Variants in MGAM2 observed in about 807,000 individuals in gnomAD.
MGAM2 encodes probable maltase-glucoamylase 2.
A neutral mutation model predicts 96.1 loss-of-function variants in MGAM2; 98 were observed. That is an observed-to-expected ratio of 1.02 (90% confidence interval 0.87 to 1.21). The LOEUF (loss-of-function observed/expected upper bound fraction) is 1.21. Ranked by LOEUF, MGAM2 falls within the 50% of genes most tolerant of loss-of-function variation. The probability of loss-of-function intolerance (pLI) is 0.00; values close to 1 mark genes in which losing one functional copy is unlikely to be tolerated. For missense variants in MGAM2, 2,055 were observed against 1,182.4 expected, an observed-to-expected ratio of 1.74 and a Z score of -10.82; for synonymous variants, 749 against 414.8, an observed-to-expected ratio of 1.81 and a Z score of -9.79.
intron 46 of MGAM2, among the ~76,000 whole-genome samples, chr7:142,215,791 T>G (rs1391111317): frequency 1.3e-5 from 2 of 151,806 alleles, no homozygotes; most frequent in Non-Finnish European, 1.5e-5. Context: ...CATGAATAAT[T>G]TTATATTGAA....
intron 7 of MGAM2, 46 bp downstream of exon 7, chr7:142,134,198 C>T: frequency 1.5e-6 from 1 of 681,318 alleles, no homozygotes; most frequent in Non-Finnish European, 2.7e-6. Flanking sequence ...AAGGGATACC[C>T]TCCTTCCTTT....
intron 45 of MGAM2, among the ~76,000 whole-genome samples, chr7:142,207,583 G>T (rs956719158): frequency 1.3e-5 from 2 of 151,690 alleles, no homozygotes; most frequent in African/African-American, 4.8e-5. Context: ...CCACCACCAC[G>T]CCCGGCTAAT....
At chr7:142,213,948 A>G (rs2129106413) in intron 46 of MGAM2, among the ~76,000 whole-genome samples, 1 of 152,276 alleles carries the variant, frequency 6.6e-6, no homozygotes, top group Non-Finnish European at 1.5e-5. Context: ...CCAGCAGCAC[A>G]TCAAAAAGCC....
chr7:142,146,700 A>C (rs1795395053), intron 14 of MGAM2, among the ~76,000 whole-genome samples: 1 of 151,930 alleles, frequency 6.6e-6, no homozygotes, highest in Admixed American at 6.6e-5. Context: ...TCAAACTGTC[A>C]AACTACCCAA....
chr7:142,159,148 G>C (rs1265084036), intron 19 of MGAM2, 139 bp from the exon 20 acceptor site: 2 of 601,124 alleles, frequency 3.3e-6, no homozygotes, highest in Middle Eastern at 4.2e-4. Flanking sequence ...TTATGTGTCT[G>C]TGTTTTCCTT....
chr7:142,197,135 G>A (rs1398558938), intron 40 of MGAM2, among the ~76,000 whole-genome samples: 2 of 152,130 alleles, frequency 1.3e-5, no homozygotes, highest in East Asian at 3.9e-4. Context: ...AGATATGTTG[G>A]TGCTGCACGG....
At chr7:142,128,364 C>A (rs937011800) in intron 3 of MGAM2, among the ~76,000 whole-genome samples, 1 of 152,144 alleles carries the variant, frequency 6.6e-6, no homozygotes, top group African/African-American at 2.4e-5. Context: ...AAAAGAAAAA[C>A]CCATTTTCTG....
chr7:142,184,018 G>T (rs1466141732), intron 33 of MGAM2, among the ~76,000 whole-genome samples: 3 of 120,504 alleles, frequency 2.5e-5, no homozygotes, highest in Admixed American at 1.1e-4. Flanking sequence ...TGTTACCCAG[G>T]CTGGAGTGCA....
chr7:142,213,849 A>G (rs1797667842), intron 46 of MGAM2, among the ~76,000 whole-genome samples: 1 of 152,224 alleles, frequency 6.6e-6, no homozygotes, highest in Non-Finnish European at 1.5e-5. Context: ...AACACCTGGC[A>G]GAGACACAAT....
chr7:142,129,825 CAAAAAAAAAAAAAAAAAAAAAAAAAAA>C (rs71166564), intron 3 of MGAM2, among the ~76,000 whole-genome samples: 1 of 33,408 alleles, frequency 3.0e-5, no homozygotes, highest in African/African-American at 1.4e-4. Context: ...AACTCTGTCT[CAAAAAAAAAAAAAAAAAAAAAAAAAAA>C]AAAAAAAAAA....
chr7:142,215,132 T>C (rs1797717540), intron 46 of MGAM2, among the ~76,000 whole-genome samples: 1 of 152,180 alleles, frequency 6.6e-6, no homozygotes, highest in Admixed American at 6.5e-5. Flanking sequence ...TAAAAAAGAA[T>C]GAGTTCATGC....
chr7:142,208,311 T>C lies in MGAM2; in HGVS notation c.5138-262T>C, dbSNP rs572286475. On this transcript the variant is annotated intron_variant, in intron 45 of 47. Coordinates refer to ENST00000477922, the MANE Select transcript of MGAM2 (RefSeq NM_001293626.2). ...ACAGTAGTCTCCACACTTCAGGTAA[T>C]CTATCCTTTGTTCAACCCAGATTCT... 7 of 592,338 alleles carry C rather than the reference T, an allele frequency of 1.2e-5. 1 individual carries two copies. The highest frequency in any genetic ancestry group is 6.1e-5 in the South Asian group (4 of 65,662). 36.7% of individuals were successfully genotyped at this position (592,338 alleles called of 1,614,324 possible).
chr7:142,194,573 G>A (rs1159817862), intron 37 of MGAM2, among the ~76,000 whole-genome samples: 4 of 152,144 alleles, frequency 2.6e-5, no homozygotes, highest in South Asian at 4.1e-4. Flanking sequence ...TCCAATTTGT[G>A]TATGGTTAAA....
intron 37 of MGAM2, among the ~76,000 whole-genome samples, chr7:142,192,701 T>G (rs1796907498): frequency 6.6e-6 from 1 of 152,180 alleles, no homozygotes; most frequent in African/African-American, 2.4e-5. Flanking sequence ...TCCTCTCTCT[T>G]CAGGGAAATT....
rs1268892413 is a variant in MGAM2 at position 142,116,869 on chromosome 7, T to G, written c.1-5T>G. ...GTTTTAACCCAATTATCTGTGTCTA[T>G]CTAGATGGCGAGGAAGCTCAGTGTA... On this transcript the variant is annotated splice_polypyrimidine_tract_variant and splice_region_variant and intron_variant, in intron 1 of 47. Transcript: ENST00000477922. 1 of 703,624 alleles carries G rather than the reference T, an allele frequency of 1.4e-6. No individual in the cohort carries two copies. Among genetic ancestry groups the G allele is most frequent in the Non-Finnish European group, 2.6e-6 (1 of 385,118 alleles). The allele number at this position is 703,624 out of a possible 1,614,324, so 43.6% of individuals were successfully genotyped here.
In MGAM2 at chr7:142,148,985, G is replaced by A. The variant is rs1374010579; in HGVS notation, c.1634+1412G>A. 1.3e-5 allele frequency among the ~76,000 whole-genome samples: 2 copies of A among 152,086 alleles called. No individual in the cohort carries two copies. The highest frequency in any genetic ancestry group is 2.9e-5 in the Non-Finnish European group (2 of 68,016). ...CTTACGTCTGTAATCCAAGCACTTT[G>A]GGAGGCTGAGGTGGGCAGATCACCT... On this transcript the variant is annotated intron_variant, in intron 15 of 47. Transcript: ENST00000477922. This position sits in a 1 kb window ranked among gnomAD's most constrained non-coding sequence, Gnocchi z 4.2.
Position 142,164,912 on chromosome 7 carries a change from G to T in MGAM2, c.2541G>T (p.Met847Ile). 1 of 702,690 alleles carries T rather than the reference G, an allele frequency of 1.4e-6. No individual in the cohort carries two copies. Among genetic ancestry groups the T allele is most frequent in the Admixed American group, 2.0e-5 (1 of 49,990 alleles). 43.5% of individuals were successfully genotyped at this position (702,690 alleles called of 1,614,324 possible). A position where few individuals can be genotyped will look rare whatever the true frequency, so the allele number is the denominator to read the frequency against. ...ATTATATGGACACTGACAACCTCAT[G>T]TTCACAGATATCACAATCTTGGGAA... ...NNNYMDTDNLMFTDITILGMD... is the reference protein window; with the variant it reads ...NNNYMDTDNLIFTDITILGMD... The change falls in exon 24 of 48, where the codon ATG becomes ATT. Residue 847 changes from methionine to isoleucine, a missense_variant. Coordinates refer to ENST00000477922, the MANE Select transcript of MGAM2 (RefSeq NM_001293626.2).
At chr7:142,155,984 A>G (rs1342497174) in intron 17 of MGAM2, among the ~76,000 whole-genome samples, 4 of 152,154 alleles carry the variant, frequency 2.6e-5, no homozygotes, top group African/African-American at 4.8e-5. Flanking sequence ...TATCTCTACT[A>G]AAAATACAAA....
At chr7:142,145,502 G>C (rs1046053515) in intron 14 of MGAM2, among the ~76,000 whole-genome samples, 3 of 151,984 alleles carry the variant, frequency 2.0e-5, no homozygotes, top group African/African-American at 7.3e-5. Flanking sequence ...TCTAGTCAAG[G>C]TCAATTTTCC....
Sources: allele counts gnomAD v4.1 joint callset (sites outside exome capture counted in the v4.1 genomes callset), GRCh38; gene constraint gnomAD v4.1.1; non-coding constraint Gnocchi (gnomAD v3.1); transcripts MANE v1.5; gene names NCBI Gene and HGNC (gene_info 2026-07-23, HGNC 2026-07-21).